The following COL6A5 variants were observed in gnomAD, a reference collection of about 807,000 sequenced individuals.
COL6A5 encodes the protein collagen alpha-5(VI) chain.
COL6A5 carries 48 observed loss-of-function variants against 65.6 expected under a neutral mutation model. That is an observed-to-expected ratio of 0.73 (90% CI 0.58 to 0.93). The LOEUF (loss-of-function observed/expected upper bound fraction) is 0.93, where lower values mean the gene tolerates loss of function less well. Among genes scored for constraint, COL6A5 ranks in the 40% least tolerant of loss-of-function variants. COL6A5 has a pLI of 0.00. For synonymous variants in COL6A5, 291 were observed against 322.8 expected (o/e 0.90, Z 1.05); for missense variants, 914 against 928.3 (o/e 0.98, Z 0.20).
intron 1 of COL6A5, among the ~76,000 whole-genome samples, chr3:130,347,876 G>A (rs1466308376): frequency 6.6e-6 from 1 of 152,196 alleles, no homozygotes. Context: ...TGCAAAGGAA[G>A]AGGAGTTGGG....
At chr3:130,403,726 CACAA>C (rs1043056969) in intron 13 of COL6A5, 64 bp downstream of exon 13, 8 of 1,134,244 alleles carry the variant, frequency 7.1e-6, no homozygotes, top group East Asian at 2.7e-5. Context: ...CACACACACA[CACAA>C]ACACACACTT....
intron 29 of COL6A5, among the ~76,000 whole-genome samples, chr3:130,425,536 G>A (rs1937586480): frequency 1.3e-5 from 2 of 152,084 alleles, no homozygotes; most frequent in African/African-American, 2.4e-5. Context: ...AAGTAAGAAG[G>A]AGCAAAGAGA....
chr3:130,398,051 G>T (rs1320871381), exon 10 of COL6A5: 1 of 1,550,544 alleles, frequency 6.4e-7, no homozygotes, highest in Non-Finnish European at 8.7e-7. Flanking sequence ...TTTTTCAGAC[G>T]GTCTCCAGAG....
rs1001390705 is a variant in COL6A5 at position 130,405,664 on chromosome 3, G to C, written c.4353+5G>C. 4 of 1,543,236 alleles carry C rather than the reference G, an allele frequency of 2.6e-6. No individual in the cohort carries two copies. Among genetic ancestry groups the C allele is most frequent in the South Asian group, 1.2e-5 (1 of 83,820 alleles). Reference sequence around the variant, plus strand: ...CCAGGGGCGTGGGGTCAGAAGGTAAGGCTCTTCTGTAAATGTTATTTCCAA... The same window carrying C: ...CCAGGGGCGTGGGGTCAGAAGGTAACGCTCTTCTGTAAATGTTATTTCCAA... On this transcript the variant is annotated splice_donor_5th_base_variant and intron_variant and NMD_transcript_variant, in intron 14 of 41. Coordinates refer to the COL6A5 transcript ENST00000312481.
intron 7 of COL6A5, among the ~76,000 whole-genome samples, chr3:130,393,067 GT>G (rs59517354): frequency 1.1e-4 from 12 of 109,222 alleles, no homozygotes; most frequent in Admixed American, 1.9e-4. Flanking sequence ...TGCTTACAGT[GT>G]TTTTTTTTTG....
At chr3:130,419,704 T>C (rs920508780) in intron 25 of COL6A5, among the ~76,000 whole-genome samples, 6 of 152,010 alleles carry the variant, frequency 3.9e-5, no homozygotes, top group African/African-American at 1.4e-4. Flanking sequence ...ATAGGTGAAA[T>C]GTAAAAGAAA....
At chr3:130,449,234 C>T (rs1249322223) in intron 4 of COL6A5, among the ~76,000 whole-genome samples, 1 of 152,130 alleles carries the variant, frequency 6.6e-6, no homozygotes, top group Non-Finnish European at 1.5e-5. Flanking sequence ...AAAAGGATAA[C>T]CTAAACCAGC....
chr3:130,351,015 G>T (rs372289063), intron 1 of COL6A5, among the ~76,000 whole-genome samples: 1 of 151,994 alleles, frequency 6.6e-6, no homozygotes, highest in African/African-American at 2.4e-5. Flanking sequence ...ACCACACATC[G>T]ACAACCATCT....
At chr3:130,455,462 A>G in exon 5 of COL6A5, 1 of 1,606,690 alleles carries the variant, frequency 6.2e-7, no homozygotes, top group Non-Finnish European at 8.5e-7. Flanking sequence ...TAGATTTGTT[A>G]CTGAGCTACA....
chr3:130,463,246 C>T (rs1049552104), intron 5 of COL6A5, among the ~76,000 whole-genome samples: 9 of 152,244 alleles, frequency 5.9e-5, no homozygotes, highest in Middle Eastern at 3.4e-3. Flanking sequence ...GAACCTCACA[C>T]ATCAAGTAGC....
intron 7 of COL6A5, among the ~76,000 whole-genome samples, chr3:130,481,824 T>C (rs541402900): frequency 4.6e-5 from 7 of 152,250 alleles, no homozygotes; most frequent in Non-Finnish European, 1.0e-4. Context: ...TTCATTTGTT[T>C]GTTGGCTGCA....
intron 16 of COL6A5, 44 bp downstream of exon 16, chr3:130,406,219 GC>G: frequency 6.5e-7 from 1 of 1,549,032 alleles, no homozygotes; most frequent in South Asian, 1.2e-5. Context: ...TCATGAGGTT[GC>G]TAAAATTTTT....
Position 130,438,464 on chromosome 3 carries a change from TG to T in COL6A5, c.488-1056del, listed in dbSNP as rs200797651. 6.4e-3 allele frequency among the ~76,000 whole-genome samples: 974 copies of T among 152,316 alleles called. 44 individuals are homozygous for T. Among genetic ancestry groups the T allele is most frequent in the Admixed American group, 0.059 (897 of 15,290 alleles). ...GTTTACTCCTATGAATAAACTTCCTTGGTTTACCAGGTCAACATCTAGTCTT... is the reference window on the plus strand; with the variant it reads ...GTTTACTCCTATGAATAAACTTCCTTGTTTACCAGGTCAACATCTAGTCTT... On this transcript the variant is annotated intron_variant, in intron 1 of 7. Transcript: ENST00000512836.
At chr3:130,417,551 A>G (rs1937379907) in intron 24 of COL6A5, among the ~76,000 whole-genome samples, 1 of 152,122 alleles carries the variant, frequency 6.6e-6, no homozygotes, top group South Asian at 2.1e-4. Flanking sequence ...CCAAGAATGC[A>G]TGTGGTTGCT....
chr3:130,428,625 C>T (rs959850610), upstream of COL6A5, among the ~76,000 whole-genome samples: 3 of 152,316 alleles, frequency 2.0e-5, no homozygotes, highest in African/African-American at 7.2e-5. Context: ...GCTTCTACGA[C>T]CTGTGCTTGT....
chr3:130,416,083 G>C (rs1937328394), intron 23 of COL6A5, among the ~76,000 whole-genome samples: 1 of 152,056 alleles, frequency 6.6e-6, no homozygotes, highest in South Asian at 2.1e-4. Context: ...ATTTAAAATT[G>C]ACTGTACAAA....
chr3:130,425,154 G>A (rs1452528391), intron 29 of COL6A5, among the ~76,000 whole-genome samples: 2 of 152,060 alleles, frequency 1.3e-5, no homozygotes, highest in East Asian at 1.9e-4. Context: ...ACATGTTTTC[G>A]TGGATGCATA....
intron 1 of COL6A5, among the ~76,000 whole-genome samples, chr3:130,362,308 ATATATATATATATATATATTTTTTT>A (rs1474551305): frequency 0.025 from 525 of 21,058 alleles, 28 homozygotes; most frequent in East Asian, 0.15. Flanking sequence ...ATATATATAT[ATATATATATATATATATATTTTTTT>A]TTTTTTTTTT....
chr3:130,438,669 T>G (rs1709096461), intron 1 of COL6A5, among the ~76,000 whole-genome samples: 1 of 152,196 alleles, frequency 6.6e-6, no homozygotes, highest in Non-Finnish European at 1.5e-5. Context: ...TTTCTAGCCC[T>G]TTAATTTGCT....
Sources: allele counts gnomAD v4.1 joint callset (sites outside exome capture counted in the v4.1 genomes callset), GRCh38; gene constraint gnomAD v4.1.1; transcripts MANE v1.5; gene names NCBI Gene and HGNC (gene_info 2026-07-23, HGNC 2026-07-21).